The following AGBL1 variants were observed in gnomAD, a reference collection of about 807,000 sequenced individuals.
The protein encoded by AGBL1 is AGBL carboxypeptidase 1.
AGBL1 carries 130 observed loss-of-function variants against 118.9 expected under a neutral mutation model. The ratio of observed to expected loss-of-function variants is 1.09; its 90% CI spans 0.95 to 1.26. The LOEUF (loss-of-function observed/expected upper bound fraction) is 1.26, where lower values mean the gene tolerates loss of function less well. Ranked by LOEUF, AGBL1 falls within the 50% of genes most tolerant of loss-of-function variation. The pLI is 0.00. For synonymous variants in AGBL1, 555 were observed against 478.9 expected, an observed-to-expected ratio of 1.16 and a Z score of -2.08; for missense variants, 1,584 against 1,298.1, an observed-to-expected ratio of 1.22 and a Z score of -3.38.
At chr15:86,591,253 A>G (rs989880953) in intron 21 of AGBL1, among the ~76,000 whole-genome samples, 2 of 152,224 alleles carry the variant, frequency 1.3e-5, no homozygotes, top group South Asian at 2.1e-4. Context: ...ACAACAATCA[A>G]TGCAATACTT....
At chr15:86,213,881 C>T (rs748497278) in intron 5 of AGBL1, among the ~76,000 whole-genome samples, 16 of 152,244 alleles carry the variant, frequency 1.1e-4, no homozygotes, top group Admixed American at 2.6e-4. Context: ...TTGTTACCCC[C>T]TAAATTCTGT....
chr15:86,691,563 T>C lies in AGBL1; in HGVS notation c.3158+17127T>C, dbSNP rs189575004. Among the ~76,000 whole-genome samples, 417 of 152,222 alleles carry C rather than the reference T, an allele frequency of 2.7e-3. 1 individual carries two copies. The highest frequency in any genetic ancestry group is 9.6e-3 in the African/African-American group (398 of 41,556). ...AAAATGCTCCCAGATGTTTGATGCA[T>C]GAGAGGGAAAATGCCAGGAACAAGG... On this transcript the variant is annotated intron_variant, in intron 22 of 22. Transcript: ENST00000614907.
intron 22 of AGBL1, among the ~76,000 whole-genome samples, chr15:86,822,994 CA>C (rs2078962759): frequency 6.6e-6 from 1 of 152,140 alleles, no homozygotes; most frequent in Non-Finnish European, 1.5e-5. Context: ...CAACATGGCA[CA>C]TGAGCAGCCA....
chr15:86,383,241 A>C (rs902857481), intron 17 of AGBL1, among the ~76,000 whole-genome samples: 1 of 95,882 alleles, frequency 1.0e-5, no homozygotes, highest in Non-Finnish European at 2.0e-5. Flanking sequence ...GTAAGCATTC[A>C]GTATGTAAAA....
chr15:86,626,675 A>T (rs1346595505), intron 21 of AGBL1, among the ~76,000 whole-genome samples: 1 of 152,154 alleles, frequency 6.6e-6, no homozygotes, highest in Non-Finnish European at 1.5e-5. Context: ...TAAGAAAAGA[A>T]AGGGTTACAT....
At position 86,914,229 on chromosome 15, in the gene AGBL1, T is replaced by C. The variant is rs1399058503; in HGVS notation, c.*6935T>C. ...ATGAATGTCCTGGGGTAGAAGACTATCAACCAGACCCCACCCACACTTCAT... is the reference window on the plus strand; with the variant it reads ...ATGAATGTCCTGGGGTAGAAGACTACCAACCAGACCCCACCCACACTTCAT... On this transcript the variant is annotated 3_prime_UTR_variant, in exon 23 of 23. Transcript: ENST00000614907. 3 of 152,154 alleles carry C rather than the reference T, an allele frequency of 2.0e-5. No individual in the cohort carries two copies. In the East Asian group the frequency reaches 5.8e-4, roughly 29 times the overall value. 9.4% of individuals were successfully genotyped at this position (152,154 alleles called of 1,614,324 possible). A position where few individuals can be genotyped will look rare whatever the true frequency, so the allele number is the denominator to read the frequency against.
chr15:86,421,887 A>T (rs142152130), intron 18 of AGBL1, among the ~76,000 whole-genome samples: 3 of 152,238 alleles, frequency 2.0e-5, no homozygotes. Flanking sequence ...GATCAATGCA[A>T]CAAGAAGAGC....
rs111708406 is a variant in AGBL1, at chr15:86,910,722, C to G, written c.*3428C>G. ...TAGAAATCAGAGGTACCTCAGGAAGCAGAAGGAGAACAAAGAGAGGTGTAC... is the reference window on the plus strand; with the variant it reads ...TAGAAATCAGAGGTACCTCAGGAAGGAGAAGGAGAACAAAGAGAGGTGTAC... On this transcript the variant is annotated 3_prime_UTR_variant, in exon 23 of 23. Coordinates refer to ENST00000614907, the MANE Select transcript of AGBL1 (RefSeq NM_001386094.1). 183 of 152,228 alleles carry G rather than the reference C, an allele frequency of 1.2e-3. No individual in the cohort carries two copies. Among genetic ancestry groups the G allele is most frequent in the African/African-American group, 4.1e-3 (169 of 41,518 alleles). 9.4% of individuals were successfully genotyped at this position (152,228 alleles called of 1,614,324 possible). A position where few individuals can be genotyped will look rare whatever the true frequency, so the allele number is the denominator to read the frequency against.
intron 1 of AGBL1, among the ~76,000 whole-genome samples, chr15:86,132,162 C>A (rs747560480): frequency 4.6e-5 from 7 of 152,126 alleles, no homozygotes; most frequent in Non-Finnish European, 1.0e-4. Context: ...GCAAAGACAG[C>A]AGGGTCGAAT....
At chr15:86,853,133 A>G (rs536898554) in intron 22 of AGBL1, among the ~76,000 whole-genome samples, 7 of 152,290 alleles carry the variant, frequency 4.6e-5, no homozygotes, top group Middle Eastern at 6.8e-3. Context: ...AATTCTGACA[A>G]CTCCCCAGAT....
intron 18 of AGBL1, among the ~76,000 whole-genome samples, chr15:86,480,412 G>C (rs757363598): frequency 5.3e-5 from 8 of 152,046 alleles, no homozygotes; most frequent in Non-Finnish European, 1.2e-4. Flanking sequence ...GCTTATGTTA[G>C]AGTTCAGGTT....
chr15:86,792,576 C>T (rs781355397), intron 22 of AGBL1, among the ~76,000 whole-genome samples: 2 of 152,094 alleles, frequency 1.3e-5, no homozygotes, highest in African/African-American at 2.4e-5. Context: ...GTTAAATAGA[C>T]TTTGAAATCA....
intron 21 of AGBL1, among the ~76,000 whole-genome samples, chr15:86,637,816 C>A (rs1037516600): frequency 6.6e-6 from 1 of 152,148 alleles, no homozygotes; most frequent in African/African-American, 2.4e-5. Context: ...GTCATCTGAA[C>A]TTTGTCATGA....
intron 21 of AGBL1, among the ~76,000 whole-genome samples, chr15:86,640,262 AG>A (rs1356204821): frequency 9.9e-5 from 15 of 152,202 alleles, no homozygotes; most frequent in Admixed American, 2.0e-4. Context: ...ATGTTTATAA[AG>A]TCCAGAATTA....
At chr15:86,333,072 C>G (rs970575335) in intron 17 of AGBL1, among the ~76,000 whole-genome samples, 2 of 152,134 alleles carry the variant, frequency 1.3e-5, no homozygotes, top group Non-Finnish European at 2.9e-5. Context: ...GTGCTAAATA[C>G]CTACCTCAAA....
Position 86,861,731 on chromosome 15 carries a change from A to G in AGBL1, c.3159-45356A>G, listed in dbSNP as rs112981825. 9.2e-5 allele frequency among the ~76,000 whole-genome samples: 14 copies of G among 152,320 alleles called. 2 individuals carry two copies. Among genetic ancestry groups the G allele is most frequent in the African/African-American group, 3.4e-4 (14 of 41,584 alleles). ...TGTTTTTTAAAACATTGCCTCATCA[A>G]TGTCCTCAGTATGCCACCCATACTC... On this transcript the variant is annotated intron_variant, in intron 22 of 22. Coordinates refer to ENST00000614907, the MANE Select transcript of AGBL1 (RefSeq NM_001386094.1).
At chr15:86,977,037 T>C (rs547662208) in intron 23 of AGBL1, among the ~76,000 whole-genome samples, 4 of 152,110 alleles carry the variant, frequency 2.6e-5, no homozygotes, top group Admixed American at 6.5e-5. Flanking sequence ...CATTTTAATA[T>C]AGTGAAAGTT....
At chr15:86,684,379 A>G (rs1000202558) in intron 22 of AGBL1, among the ~76,000 whole-genome samples, 3 of 152,178 alleles carry the variant, frequency 2.0e-5, no homozygotes, top group African/African-American at 4.8e-5. Context: ...ACTGTACCCA[A>G]GATGAAATAG....
chr15:86,368,914 G>C (rs753059023), intron 17 of AGBL1, among the ~76,000 whole-genome samples: 1 of 152,114 alleles, frequency 6.6e-6, no homozygotes, highest in Non-Finnish European at 1.5e-5. Context: ...AGAACAAGAG[G>C]ATAAAAAGAA....
Sources: gnomAD v4.1 joint callset for allele counts (sites outside exome capture counted in the v4.1 genomes callset) on GRCh38, gnomAD v4.1.1 for gene constraint, MANE v1.5 for transcripts, NCBI Gene and HGNC (gene_info 2026-07-23, HGNC 2026-07-21) for gene names.